Variants in ARHGAP15 observed in about 807,000 individuals in gnomAD.
The protein encoded by ARHGAP15 is rho GTPase-activating protein 15.
In ARHGAP15, 51 loss-of-function variants were observed where a neutral mutation model predicts 63.7. The ratio of observed to expected loss-of-function variants is 0.80; its 90% CI spans 0.64 to 1.01. The LOEUF is 1.01. Among genes scored for constraint, ARHGAP15 ranks in the 50% least tolerant of loss-of-function variants. The probability of loss-of-function intolerance (pLI) is 0.00; values close to 1 mark genes in which losing one functional copy is unlikely to be tolerated. For synonymous variants in ARHGAP15, 191 were observed against 193.8 expected (o/e 0.99, Z 0.12); for missense variants, 560 against 564.6 (o/e 0.99, Z 0.08).
chr2:143,473,895 C>G (rs1488018094), intron 8 of ARHGAP15, among the ~76,000 whole-genome samples: 1 of 152,016 alleles, frequency 6.6e-6, no homozygotes, highest in Non-Finnish European at 1.5e-5. Flanking sequence ...CTTTAAAACC[C>G]AAAGACTTTT....
intron 6 of ARHGAP15, among the ~76,000 whole-genome samples, chr2:143,416,165 T>G (rs76282588): frequency 0.015 from 2,226 of 151,374 alleles, 24 homozygotes; most frequent in Non-Finnish European, 0.023. Context: ...GATGGATTGT[T>G]AGTTGCAGCA....
chr2:143,496,416 G>T lies in ARHGAP15; in HGVS notation c.826+8921G>T, dbSNP rs369372632. On this transcript the variant is annotated intron_variant, in intron 9 of 13. Transcript: ENST00000295095. Reference sequence around the variant, plus strand: ...AGGTTCAGAAATGGGAGCAAATTAGGTAAGGGGAAAAAGAATGAGCCAGAA... The same window carrying T: ...AGGTTCAGAAATGGGAGCAAATTAGTTAAGGGGAAAAAGAATGAGCCAGAA... 5.3e-5 allele frequency among the ~76,000 whole-genome samples: 8 copies of T among 152,286 alleles called. No homozygotes were observed. The East Asian group carries it at 1.5e-3, about 29-fold the overall frequency.
intron 8 of ARHGAP15, among the ~76,000 whole-genome samples, chr2:143,466,427 AAG>A (rs777620644): frequency 1.5e-4 from 23 of 152,034 alleles, no homozygotes; most frequent in Non-Finnish European, 2.9e-4. Context: ...TATGGGGAAA[AAG>A]AGTTGGTTGT....
intron 11 of ARHGAP15, among the ~76,000 whole-genome samples, chr2:143,623,208 C>G (rs559019023): frequency 1.3e-5 from 2 of 152,178 alleles, no homozygotes; most frequent in African/African-American, 4.8e-5. Context: ...CAAGATGTCC[C>G]TTTCAGACGT....
intron 11 of ARHGAP15, among the ~76,000 whole-genome samples, chr2:143,582,809 A>T (rs1370478633): frequency 1.3e-5 from 2 of 152,228 alleles, no homozygotes; most frequent in African/African-American, 4.8e-5. Flanking sequence ...TTCTCATACC[A>T]GCTTGCCAAT....
chr2:143,654,318 C>CTCTT lies in ARHGAP15; in HGVS notation c.1138+30053_1138+30056dup, dbSNP rs1681321402. ...CCAGTTTGCTACCTATATAAATTGG[C>CTCTT]TCTTTGATGATTTCATCCCTGCAAT... On this transcript the variant is annotated intron_variant, in intron 12 of 13. Coordinates refer to ENST00000295095, the MANE Select transcript of ARHGAP15 (RefSeq NM_018460.4). 2.0e-5 allele frequency among the ~76,000 whole-genome samples: 3 copies of CTCTT among 152,074 alleles called. No individual in the cohort carries two copies. The South Asian group carries it at 6.2e-4, about 32-fold the overall frequency.
chr2:143,392,218 A>G (rs7564906), intron 6 of ARHGAP15, among the ~76,000 whole-genome samples: 135,320 of 152,186 alleles, frequency 0.89, 60,538 homozygotes, highest in Middle Eastern at 0.97. Flanking sequence ...TATTCTCTGC[A>G]ATGGCATGGA....
At chr2:143,378,647 C>T (rs939563078) in intron 6 of ARHGAP15, among the ~76,000 whole-genome samples, 3 of 152,054 alleles carry the variant, frequency 2.0e-5, no homozygotes, top group Admixed American at 2.0e-4. Flanking sequence ...AAGCACCATC[C>T]TCTACCAGTT....
chr2:143,432,356 A>G (rs967215601), intron 6 of ARHGAP15, among the ~76,000 whole-genome samples: 3 of 152,062 alleles, frequency 2.0e-5, no homozygotes, highest in African/African-American at 4.8e-5. Context: ...TTAATTGACA[A>G]TATTTAAAAG....
intron 6 of ARHGAP15, among the ~76,000 whole-genome samples, chr2:143,271,160 A>G (rs900763963): frequency 1.2e-4 from 18 of 152,196 alleles, no homozygotes; most frequent in African/African-American, 4.1e-4. Context: ...TTTAATAAAG[A>G]TTTTAATTCT....
intron 13 of ARHGAP15, among the ~76,000 whole-genome samples, chr2:143,726,195 A>C (rs1574896537): frequency 6.6e-6 from 1 of 152,224 alleles, no homozygotes; most frequent in East Asian, 1.9e-4. Flanking sequence ...ATCCTAGTAA[A>C]CAAATACCAG....
chr2:143,711,231 G>A (rs1414216414), intron 13 of ARHGAP15, among the ~76,000 whole-genome samples: 2 of 152,192 alleles, frequency 1.3e-5, no homozygotes. Flanking sequence ...AATGTTAAAT[G>A]CATAAAGAGG....
intron 8 of ARHGAP15, among the ~76,000 whole-genome samples, chr2:143,458,513 C>T (rs1690768885): frequency 6.6e-6 from 1 of 152,104 alleles, no homozygotes; most frequent in South Asian, 2.1e-4. Flanking sequence ...GAAGGAGATT[C>T]CTGCTGAAGG....
chr2:143,585,827 T>C (rs1697087397), intron 11 of ARHGAP15, among the ~76,000 whole-genome samples: 1 of 152,166 alleles, frequency 6.6e-6, no homozygotes, highest in Non-Finnish European at 1.5e-5. Context: ...CAATATTGTT[T>C]GGTCTTATTC....
chr2:143,664,555 A>C (rs1374699763), intron 12 of ARHGAP15, among the ~76,000 whole-genome samples: 2 of 151,624 alleles, frequency 1.3e-5, no homozygotes, highest in Non-Finnish European at 3.0e-5. Context: ...GAAGGCAAGA[A>C]ATAACTAAAA....
intron 10 of ARHGAP15, among the ~76,000 whole-genome samples, chr2:143,535,029 T>C (rs1273219209): frequency 6.6e-6 from 1 of 150,472 alleles, no homozygotes; most frequent in Non-Finnish European, 1.5e-5. Flanking sequence ...AATTTCCTTA[T>C]GATAGAAAAT....
intron 11 of ARHGAP15, among the ~76,000 whole-genome samples, chr2:143,571,583 C>T (rs1163556579): frequency 2.0e-5 from 3 of 152,136 alleles, no homozygotes; most frequent in Non-Finnish European, 4.4e-5. Flanking sequence ...TTCTAAAAAG[C>T]CCATGGAATA....
chr2:143,526,975 G>T (rs1425234349), intron 10 of ARHGAP15, among the ~76,000 whole-genome samples: 1 of 152,098 alleles, frequency 6.6e-6, no homozygotes, highest in Non-Finnish European at 1.5e-5. Flanking sequence ...TTGTATTTGT[G>T]TAGGTATTTC....
chr2:143,723,750 A>T (rs1213998547), intron 13 of ARHGAP15, among the ~76,000 whole-genome samples: 1 of 152,210 alleles, frequency 6.6e-6, no homozygotes, highest in Non-Finnish European at 1.5e-5. Flanking sequence ...TTTGCGTAGG[A>T]ATGACATGAA....
Sources: allele counts gnomAD v4.1 joint callset (sites outside exome capture counted in the v4.1 genomes callset), GRCh38; gene constraint gnomAD v4.1.1; transcripts MANE v1.5; gene names NCBI Gene and HGNC (gene_info 2026-07-23, HGNC 2026-07-21).